PSME3IP1: variants seen among roughly 807,000 people sequenced by gnomAD.
PSME3IP1 encodes proteasome activator subunit 3 interacting protein 1.
A neutral mutation model predicts 34.1 loss-of-function variants in PSME3IP1; 13 were observed. The observed-to-expected ratio is 0.38, with a 90% CI of 0.25 to 0.61. PSME3IP1 has a LOEUF of 0.61. Ranked by LOEUF, PSME3IP1 falls within the 20% of genes least tolerant of loss-of-function variation. PSME3IP1 has a pLI of 0.60. For missense variants in PSME3IP1, 237 were observed against 301.4 expected, an observed-to-expected ratio of 0.79 and a Z score of 1.58; for synonymous variants, 93 against 114.3, an observed-to-expected ratio of 0.81 and a Z score of 1.19.
rs1404839440 is a variant in PSME3IP1, at chr16:57,154,096, T to C, written c.*194A>G. 2 of 575,878 alleles carry C rather than the reference T, an allele frequency of 3.5e-6. No individual in the cohort carries two copies. Among genetic ancestry groups the C allele is most frequent in the Non-Finnish European group, 6.2e-6 (2 of 325,108 alleles). 35.7% of individuals were successfully genotyped at this position (575,878 alleles called of 1,614,324 possible). On this transcript the variant is annotated 3_prime_UTR_variant, in exon 7 of 7. Coordinates refer to ENST00000309137, the MANE Select transcript of PSME3IP1 (RefSeq NM_024946.4). The surrounding 1 kb of genome is among the most constrained non-coding windows in gnomAD (Gnocchi z 4.0). ...ACAGGTTTGGTCATCTGCAGTGGAG[T>C]AGAAAGAGGAACCAAACACGATTCG...
chr16:57,171,927 T>C (rs2072631361), intron 4 of PSME3IP1, among the ~76,000 whole-genome samples: 1 of 152,208 alleles, frequency 6.6e-6, no homozygotes, highest in Middle Eastern at 3.2e-3. Flanking sequence ...ACATGTTCTT[T>C]TAAAACTCAG....
At chr16:57,171,188 A>G (rs1311818947) in intron 4 of PSME3IP1, among the ~76,000 whole-genome samples, 1 of 152,160 alleles carries the variant, frequency 6.6e-6, no homozygotes, top group African/African-American at 2.4e-5. Flanking sequence ...GCAAAATCTG[A>G]GGGCAGAACA....
chr16:57,170,665 G>C (rs530300716), intron 4 of PSME3IP1, among the ~76,000 whole-genome samples: 1 of 152,358 alleles, frequency 6.6e-6, no homozygotes, highest in Non-Finnish European at 1.5e-5. Flanking sequence ...GACCAAGTCA[G>C]ATAGTCTTTT....
chr16:57,177,348 AT>A (rs567704160), intron 1 of PSME3IP1, among the ~76,000 whole-genome samples: 3,152 of 128,748 alleles, frequency 0.024, 51 homozygotes, highest in African/African-American at 0.057. Flanking sequence ...CACCTGGCTA[AT>A]TTTTTTTTTT....
chr16:57,168,196 C>T lies in PSME3IP1; in HGVS notation c.349-970G>A, dbSNP rs556492151. On this transcript the variant is annotated intron_variant, in intron 4 of 6. Coordinates refer to ENST00000309137, the MANE Select transcript of PSME3IP1 (RefSeq NM_024946.4). ...TGGAACAATAGTGACATCTAGTGCC[C>T]AGGAAATCTAAGAAGCATGAATTAT... Among the ~76,000 whole-genome samples the T allele has an allele frequency of 1.2e-4, 18 of 152,212 alleles. No individual in the cohort carries two copies. The East Asian group carries it at 3.5e-3, about 29-fold the overall frequency.
intron 5 of PSME3IP1, 109 bp downstream of exon 5, chr16:57,166,984 A>G (rs2071955433): frequency 1.6e-6 from 2 of 1,271,666 alleles, no homozygotes; most frequent in Non-Finnish European, 2.2e-6. Flanking sequence ...CACCAAGGGA[A>G]CTTCACCAGG....
At chr16:57,174,551 T>A in intron 1 of PSME3IP1, 1 of 985,466 alleles carries the variant, frequency 1.0e-6, no homozygotes, top group Non-Finnish European at 1.2e-6. Flanking sequence ...CCTCCTTTAT[T>A]TCTGTAACAT....
intron 1 of PSME3IP1, chr16:57,174,710 C>A: frequency 1.0e-6 from 1 of 984,896 alleles, no homozygotes; most frequent in Middle Eastern, 5.2e-4. Context: ...GGAAGGTGCA[C>A]AAACCATGAA....
intron 1 of PSME3IP1, among the ~76,000 whole-genome samples, chr16:57,181,364 T>C (rs1280476888): frequency 2.0e-5 from 3 of 152,028 alleles, no homozygotes; most frequent in Non-Finnish European, 4.4e-5. Flanking sequence ...AAATAAAACT[T>C]GCCTGAGGAT....
chr16:57,162,875 A>T (rs1204029107), intron 6 of PSME3IP1, among the ~76,000 whole-genome samples: 2 of 152,048 alleles, frequency 1.3e-5, no homozygotes, highest in Non-Finnish European at 2.9e-5. Context: ...TGGCTACATA[A>T]GAAATGTGGC....
intron 6 of PSME3IP1, among the ~76,000 whole-genome samples, chr16:57,158,114 TAC>T (rs1360743858): frequency 2.0e-5 from 3 of 152,202 alleles, no homozygotes; most frequent in Non-Finnish European, 2.9e-5. Flanking sequence ...TCAGACAGTT[TAC>T]AGTTTCATTG....
At chr16:57,173,012 C>T in intron 2 of PSME3IP1, 138 bp from the exon 3 acceptor site, 1 of 620,288 alleles carries the variant, frequency 1.6e-6, no homozygotes, top group Non-Finnish European at 2.9e-6. Context: ...GTGGATAACA[C>T]AAAAATAGTA....
chr16:57,185,722 G>A, intron 1 of PSME3IP1, 99 bp downstream of exon 1: 2 of 985,560 alleles, frequency 2.0e-6, no homozygotes, highest in Non-Finnish European at 2.4e-6. Flanking sequence ...ACTGAGAACA[G>A]GCCTGGCCCT....
intron 5 of PSME3IP1, 25 bp downstream of exon 5, chr16:57,167,068 C>CT (rs2071968223): frequency 6.2e-7 from 1 of 1,611,822 alleles, no homozygotes. Flanking sequence ...AGAGAGAAAT[C>CT]TGAGTTGTGT....
upstream of PSME3IP1, chr16:57,186,066 T>A: frequency 1.0e-6 from 1 of 985,434 alleles, no homozygotes. Context: ...TCCGGCGACG[T>A]AACCCAATCC....
At position 57,161,610 on chromosome 16, in the gene PSME3IP1, CA is replaced by C. The variant is rs762297333; in HGVS notation, c.547+2390del. ...CACTGCAAGCTCCACCTCCTGGGTT[CA>C]ATGCCATTCTCCTGCCTCAGCCTCC... is the stretch of plus-strand genomic sequence containing the variant. On this transcript the variant is annotated intron_variant, in intron 6 of 6. Transcript: ENST00000309137. 1.1e-4 allele frequency among the ~76,000 whole-genome samples: 16 copies of C among 148,840 alleles called. No individual in the cohort carries two copies. The South Asian group carries it at 3.4e-3, about 32-fold the overall frequency.
intron 1 of PSME3IP1, chr16:57,174,567 A>G: frequency 1.0e-6 from 1 of 985,334 alleles, no homozygotes; most frequent in Non-Finnish European, 1.2e-6. Flanking sequence ...AACATCTGAC[A>G]TTGTTTCTTC....
rs189975555 is a variant in PSME3IP1 at position 57,154,705 on chromosome 16, G to T, written c.548-198C>A. Among the ~76,000 whole-genome samples the T allele has an allele frequency of 6.6e-6, 1 of 152,304 alleles. No individual in the cohort carries two copies. The highest frequency in any genetic ancestry group is 1.9e-4 in the East Asian group (1 of 5,186). On this transcript the variant is annotated intron_variant, in intron 6 of 6. Coordinates refer to ENST00000309137, the MANE Select transcript of PSME3IP1 (RefSeq NM_024946.4). The surrounding 1 kb of genome is among the most constrained non-coding windows in gnomAD (Gnocchi z 4.0). ...GGAAGGGAGGCTCCAGGAGGTGAAA[G>T]GACTTCTGAAAGTAAAGGGGCAGAG...
chr16:57,185,435 G>T, intron 1 of PSME3IP1: 2 of 866,576 alleles, frequency 2.3e-6, no homozygotes, highest in Non-Finnish European at 2.8e-6. Flanking sequence ...TGCCATTCTG[G>T]GATTCAACCA....
Sources: gnomAD v4.1 joint callset for allele counts (sites outside exome capture counted in the v4.1 genomes callset) on GRCh38, gnomAD v4.1.1 for gene constraint, Gnocchi (gnomAD v3.1) non-coding constraint, MANE v1.5 for transcripts, NCBI Gene and HGNC (gene_info 2026-07-23, HGNC 2026-07-21) for gene names.